KDM2A: variants seen among roughly 807,000 people sequenced by gnomAD.
KDM2A encodes the protein lysine demethylase 2A, also known as lysine-specific demethylase 2A.
In KDM2A, 3 loss-of-function variants were observed where a neutral mutation model predicts 137.3. The observed-to-expected ratio is 0.02, with a 90% CI of 0.01 to 0.06. The LOEUF is 0.06. Ranked by LOEUF, KDM2A falls within the 10% of genes least tolerant of loss-of-function variation. The pLI is 1.00. For missense variants in KDM2A, 738 were observed against 1,510.6 expected (o/e 0.49, Z 8.48); for synonymous variants, 512 against 541.5 (o/e 0.95, Z 0.76).
chr11:67,216,024 A>T, intron 8 of KDM2A, 75 bp downstream of exon 8: 1 of 1,037,876 alleles, frequency 9.6e-7, no homozygotes, highest in Non-Finnish European at 1.5e-6. Flanking sequence ...TGTATACTTA[A>T]TATACCCTGG....
intron 17 of KDM2A, among the ~76,000 whole-genome samples, chr11:67,251,937 C>G (rs1487457278): frequency 6.6e-6 from 1 of 152,196 alleles, no homozygotes; most frequent in East Asian, 1.9e-4. Context: ...CAAGGCACAT[C>G]AGATTCCCGT....
At chr11:67,195,106 A>G (rs1416096943) in intron 5 of KDM2A, among the ~76,000 whole-genome samples, 1 of 152,194 alleles carries the variant, frequency 6.6e-6, no homozygotes, top group Non-Finnish European at 1.5e-5. Flanking sequence ...ATTTCTTGTC[A>G]GAACCCATTG....
Position 67,254,602 on chromosome 11 carries a change from G to A in KDM2A, c.3307+184G>A. On this transcript the variant is annotated intron_variant, in intron 20 of 20. Transcript: ENST00000529006. This position sits in a 1 kb window ranked among gnomAD's most constrained non-coding sequence, Gnocchi z 4.7. ...AACTGATGGGGGACTGAGGCCTTGAGTAGTTAAGTCGGTTGCCTGTCTGCG... is the reference window on the plus strand; with the variant it reads ...AACTGATGGGGGACTGAGGCCTTGAATAGTTAAGTCGGTTGCCTGTCTGCG... 1 of 656,694 alleles carries A rather than the reference G, an allele frequency of 1.5e-6. No homozygotes were observed. The highest frequency in any genetic ancestry group is 1.8e-5 in the African/African-American group (1 of 55,168). 40.7% of individuals were successfully genotyped at this position (656,694 alleles called of 1,614,324 possible).
intron 6 of KDM2A, among the ~76,000 whole-genome samples, chr11:67,212,565 A>G (rs1858026621): frequency 6.6e-6 from 1 of 152,198 alleles, no homozygotes; most frequent in Admixed American, 6.5e-5. Context: ...GTTTGGCCCT[A>G]GTTTTGTTGC....
chr11:67,128,927 T>G (rs1023471785), intron 2 of KDM2A, among the ~76,000 whole-genome samples: 1 of 152,028 alleles, frequency 6.6e-6, no homozygotes, highest in Admixed American at 6.6e-5. Context: ...GCCACTAGAG[T>G]GGAGGAGGGT....
In KDM2A at chr11:67,245,861, T is replaced by C; in HGVS notation, c.1834-124T>C. 8.6e-7 allele frequency: 1 copy of C among 1,160,678 alleles called. No homozygotes were observed. Among genetic ancestry groups the C allele is most frequent in the Non-Finnish European group, 1.2e-6 (1 of 823,724 alleles). 71.9% of individuals were successfully genotyped at this position (1,160,678 alleles called of 1,614,324 possible). On this transcript the variant is annotated intron_variant, in intron 14 of 20. Transcript: ENST00000529006. This position sits in a 1 kb window ranked among gnomAD's most constrained non-coding sequence, Gnocchi z 4.1. ...AAACCTCCGTTCTCTCCACCCTGCC[T>C]CCATGCTTCCAGGTGTTTAGTAGAG... is the stretch of plus-strand genomic sequence containing the variant.
Position 67,180,234 on chromosome 11 carries a change from T to C in KDM2A, c.181+17T>C, listed in dbSNP as rs759629837. 1 of 1,611,426 alleles carries C rather than the reference T, an allele frequency of 6.2e-7. No homozygotes were observed. Among genetic ancestry groups the C allele is most frequent in the Non-Finnish European group, 8.5e-7 (1 of 1,178,746 alleles). ...AAGGAAAAGGTCAGTATTGTTTTGG[T>C]TCCAGCTTACAGTCCTTTGATGTGG... On this transcript the variant is annotated intron_variant, in intron 3 of 20. Transcript: ENST00000529006.
intron 9 of KDM2A, among the ~76,000 whole-genome samples, chr11:67,218,351 AT>A (rs1370204508): frequency 6.6e-6 from 1 of 152,206 alleles, no homozygotes; most frequent in Non-Finnish European, 1.5e-5. Flanking sequence ...CTGACTATGC[AT>A]TTACCTGCTA....
chr11:67,155,763 T>G (rs1856498294), intron 2 of KDM2A, among the ~76,000 whole-genome samples: 1 of 151,288 alleles, frequency 6.6e-6, no homozygotes, highest in African/African-American at 2.4e-5. Flanking sequence ...ATTACAGGCA[T>G]GTGCCACCAT....
chr11:67,217,998 G>C, intron 9 of KDM2A, 114 bp downstream of exon 9: 1 of 935,290 alleles, frequency 1.1e-6, no homozygotes, highest in Middle Eastern at 2.8e-4. Flanking sequence ...GAAAACAACA[G>C]TGTTTCTTCC....
At position 67,119,890 on chromosome 11, in the gene KDM2A, C is replaced by T. The variant is rs1855557713; in HGVS notation, c.-243C>T. 1.3e-5 allele frequency: 2 copies of T among 152,200 alleles called. No individual in the cohort carries two copies. The highest frequency in any genetic ancestry group is 2.9e-5 in the Non-Finnish European group (2 of 68,050). 9.4% of individuals were successfully genotyped at this position (152,200 alleles called of 1,614,324 possible). On this transcript the variant is annotated 5_prime_UTR_variant, in exon 1 of 21. Transcript: ENST00000529006. ...CAAAGCCAGAAGAGAAGGTTTGATT[C>T]AGCAACTGTTTGCTCCCTTTTCCTG...
At chr11:67,213,113 G>T (rs1471266982) in intron 6 of KDM2A, among the ~76,000 whole-genome samples, 1 of 152,148 alleles carries the variant, frequency 6.6e-6, no homozygotes, top group Non-Finnish European at 1.5e-5. Context: ...CCATGTCAGT[G>T]GTGATGCTTT....
intron 5 of KDM2A, among the ~76,000 whole-genome samples, chr11:67,189,841 AAAAC>A (rs909740903): frequency 1.4e-4 from 21 of 152,176 alleles, no homozygotes; most frequent in South Asian, 4.1e-4. Flanking sequence ...TCTGTGTCAA[AAAAC>A]AAACAAACAC....
At chr11:67,241,721 G>A (rs1383238324) in intron 12 of KDM2A, among the ~76,000 whole-genome samples, 2 of 152,216 alleles carry the variant, frequency 1.3e-5, no homozygotes, top group Admixed American at 6.5e-5. Flanking sequence ...AAGGTCAGAA[G>A]AAGAAGGATT....
intron 2 of KDM2A, among the ~76,000 whole-genome samples, chr11:67,172,217 C>T (rs2136327361): frequency 6.6e-6 from 1 of 152,158 alleles, no homozygotes; most frequent in East Asian, 1.9e-4. Flanking sequence ...AGTGATCCTC[C>T]TAGCTTTCTT....
chr11:67,207,572 G>T lies in KDM2A; in HGVS notation c.370G>T (p.Ala124Ser). Residue 124 changes from alanine to serine, a missense_variant, in exon 6 of 21, where the codon GCT becomes TCT. Ala to Ser is a moderately conservative substitution (Grantham distance 99). Around this residue, in one of 9 missense-constraint regions of KDM2A, gnomAD observed 74 missense variants for 181.8 expected, o/e 0.41. Transcript: ENST00000529006. ...ACAGAAAGGCATTGAAATGACCATG[G>T]CTCAGTGGACACGCTACTATGAGAC... ...NTQKGIEMTM[A>S]QWTRYYETPE... is the part of the protein sequence containing the mutation. 6.2e-7 allele frequency: 1 copy of T among 1,613,610 alleles called. No individual in the cohort carries two copies. The highest frequency in any genetic ancestry group is 2.2e-5 in the East Asian group (1 of 44,882).
At position 67,120,033 on chromosome 11, in the gene KDM2A, C is replaced by G. The variant is rs933332811; in HGVS notation, c.-100C>G. On this transcript the variant is annotated 5_prime_UTR_variant, in exon 1 of 21. Transcript: ENST00000529006. Reference sequence around the variant, plus strand: ...TTTACTTCTCACTTGGACAAGAACTCAAGAGCAGAATCTCCGGTGAGTTTC... The same window carrying G: ...TTTACTTCTCACTTGGACAAGAACTGAAGAGCAGAATCTCCGGTGAGTTTC... 2.6e-5 allele frequency: 4 copies of G among 152,444 alleles called. No homozygotes were observed. Among genetic ancestry groups the G allele is most frequent in the Non-Finnish European group, 4.4e-5 (3 of 68,228 alleles). The allele number at this position is 152,444 out of a possible 1,614,324, so 9.4% of individuals were successfully genotyped here.
rs771556624 is a variant in KDM2A, at chr11:67,121,371, T to TC, written c.42+19dup. The TC allele has an allele frequency of 5.0e-5, 81 of 1,611,508 alleles. No homozygotes were observed. The highest frequency in any genetic ancestry group is 6.6e-5 in the Non-Finnish European group (78 of 1,177,886). On this transcript the variant is annotated intron_variant, in intron 2 of 20. Coordinates refer to ENST00000529006, the MANE Select transcript of KDM2A (RefSeq NM_012308.3). ...CAGCCAGAGATTGGTTAGTATTTTC[T>TC]CCCCCCACCACACCCTCCAGTTTTA...
At chr11:67,172,847 C>T (rs899165043) in intron 2 of KDM2A, among the ~76,000 whole-genome samples, 1 of 151,990 alleles carries the variant, frequency 6.6e-6, no homozygotes, top group Admixed American at 6.6e-5. Flanking sequence ...TGTTCCTAAT[C>T]TTAGGGGGAG....
Sources: allele counts gnomAD v4.1 joint callset (sites outside exome capture counted in the v4.1 genomes callset), GRCh38; gene constraint gnomAD v4.1.1; regional missense constraint gnomAD v4.1.1; non-coding constraint Gnocchi (gnomAD v3.1); transcripts MANE v1.5; gene names NCBI Gene and HGNC (gene_info 2026-07-23, HGNC 2026-07-21).